RBM46: variants seen among roughly 807,000 people sequenced by gnomAD.
RBM46 encodes probable RNA-binding protein 46.
Under a neutral mutation model 43.3 loss-of-function variants are expected in RBM46, and 12 were observed. The observed-to-expected ratio is 0.28, with a 90% CI of 0.18 to 0.45. The LOEUF (loss-of-function observed/expected upper bound fraction) is 0.45, where lower values mean the gene tolerates loss of function less well. Among genes scored for constraint, RBM46 ranks in the 20% least tolerant of loss-of-function variants. The pLI is 1.00. For synonymous variants in RBM46, 205 were observed against 207.6 expected (o/e 0.99, Z 0.11); for missense variants, 412 against 639.1 (o/e 0.64, Z 3.83).
In RBM46 at chr4:154,828,454, AT is replaced by A. The variant is rs1736069104; in HGVS notation, c.*389del. The A allele has an allele frequency of 4.9e-6, 1 of 202,504 alleles. No individual in the cohort carries two copies. 12.5% of individuals were successfully genotyped at this position (202,504 alleles called of 1,614,324 possible). A position where few individuals can be genotyped will look rare whatever the true frequency, so the allele number is the denominator to read the frequency against. On this transcript the variant is annotated 3_prime_UTR_variant, in exon 5 of 5. Transcript: ENST00000281722. ...GAAGACAATGGTTATAGTAGATTTG[AT>A]TACCAAGGATCACTATCTGTACTGG...
In RBM46 at chr4:154,828,348, G is replaced by T; in HGVS notation, c.*281G>T. 1 of 332,596 alleles carries T rather than the reference G, an allele frequency of 3.0e-6. No homozygotes were observed. Among genetic ancestry groups the T allele is most frequent in the Admixed American group, 4.7e-5 (1 of 21,360 alleles). 20.6% of individuals were successfully genotyped at this position (332,596 alleles called of 1,614,324 possible). A position where few individuals can be genotyped will look rare whatever the true frequency, so the allele number is the denominator to read the frequency against. ...GGATTTTCTTCTACTTTCTGAGTGG[G>T]CAATAGAACCTAGTCATTTATGTTT... On this transcript the variant is annotated 3_prime_UTR_variant, in exon 5 of 5. Transcript: ENST00000281722.
chr4:154,795,140 C>T (rs1030535352), intron 1 of RBM46, among the ~76,000 whole-genome samples: 1 of 152,100 alleles, frequency 6.6e-6, no homozygotes, highest in Non-Finnish European at 1.5e-5. Flanking sequence ...TGCTTATATG[C>T]AAAGACCTAT....
In RBM46 at chr4:154,802,783, AT is replaced by A. The variant is rs1223014273; in HGVS notation, c.1402+3228del. ...TAAGATATTTTCTTTGGGGATAGTA[AT>A]TTTTTTTTAAGAATTTGCCTCAGTA... On this transcript the variant is annotated intron_variant, in intron 4 of 4. Transcript: ENST00000281722. Among the ~76,000 whole-genome samples the A allele has an allele frequency of 4.6e-5, 7 of 151,566 alleles. No homozygotes were observed. In the East Asian group the frequency reaches 9.7e-4, roughly 21 times the overall value.
At chr4:154,806,880 G>T (rs2111165804) in intron 4 of RBM46, among the ~76,000 whole-genome samples, 1 of 151,820 alleles carries the variant, frequency 6.6e-6, no homozygotes, top group East Asian at 1.9e-4. Flanking sequence ...ATGCCATGTG[G>T]GGAGTATCTG....
At chr4:154,794,857 T>C (rs910617739) in intron 1 of RBM46, among the ~76,000 whole-genome samples, 95 of 152,038 alleles carry the variant, frequency 6.2e-4, no homozygotes, top group African/African-American at 2.3e-3. Context: ...CTATTCCTTT[T>C]TTCCCTAAGT....
At position 154,824,091 on chromosome 4, in the gene RBM46, T is replaced by C. The variant is rs79765354; in HGVS notation, c.1403-3777T>C. 5.1e-5 allele frequency among the ~76,000 whole-genome samples: 5 copies of C among 98,840 alleles called. No individual in the cohort carries two copies. In the South Asian group the frequency reaches 1.9e-3, roughly 38 times the overall value. 64.8% of individuals were successfully genotyped at this position (98,840 alleles called of 152,430 possible). A position where few individuals can be genotyped will look rare whatever the true frequency, so the allele number is the denominator to read the frequency against. ...TCATTATGTCAGAGCAGTTGTTCTCTTTTTTTTTTTTGTTTTCCACAAAAC... is the reference window on the plus strand; with the variant it reads ...TCATTATGTCAGAGCAGTTGTTCTCCTTTTTTTTTTTGTTTTCCACAAAAC... On this transcript the variant is annotated intron_variant, in intron 4 of 4. Transcript: ENST00000281722.
At chr4:154,798,626 T>C (rs1734463094) in intron 3 of RBM46, among the ~76,000 whole-genome samples, 156 bp from the exon 4 acceptor site, 1 of 152,358 alleles carries the variant, frequency 6.6e-6, no homozygotes, top group East Asian at 1.9e-4. Flanking sequence ...TTATTTACTT[T>C]AGTAAAAATT....
intron 1 of RBM46, among the ~76,000 whole-genome samples, chr4:154,787,926 G>A (rs1037481932): frequency 6.6e-6 from 1 of 152,122 alleles, no homozygotes; most frequent in African/African-American, 2.4e-5. Context: ...GCATTTCTCT[G>A]ATGGCCAGTG....
At chr4:154,815,633 G>T (rs545517306) in intron 4 of RBM46, among the ~76,000 whole-genome samples, 3 of 151,764 alleles carry the variant, frequency 2.0e-5, no homozygotes, top group African/African-American at 7.3e-5. Flanking sequence ...TTCAAGTCTT[G>T]CTCCTTCATT....
chr4:154,789,408 C>G (rs1006507009), intron 1 of RBM46, among the ~76,000 whole-genome samples: 2 of 152,094 alleles, frequency 1.3e-5, no homozygotes, highest in Admixed American at 1.3e-4. Flanking sequence ...TGTCAAAGGC[C>G]TTTTCTGCAT....
At chr4:154,808,903 A>G (rs1735043342) in intron 4 of RBM46, among the ~76,000 whole-genome samples, 2 of 152,094 alleles carry the variant, frequency 1.3e-5, no homozygotes, top group African/African-American at 2.4e-5. Context: ...ACATTGAAAC[A>G]TTATTTCTTT....
chr4:154,802,306 TC>T (rs1286524565), intron 4 of RBM46, among the ~76,000 whole-genome samples: 2 of 152,146 alleles, frequency 1.3e-5, no homozygotes, highest in South Asian at 2.1e-4. Flanking sequence ...GAAACTTTGA[TC>T]AGAAAACAAA....
chr4:154,796,947 G>T, intron 2 of RBM46, 44 bp downstream of exon 2: 8 of 1,541,226 alleles, frequency 5.2e-6, no homozygotes, highest in Non-Finnish European at 7.1e-6. Flanking sequence ...CTTTAACCTC[G>T]TCATGTAGAT....
chr4:154,794,257 T>G (rs1405957589), intron 1 of RBM46, among the ~76,000 whole-genome samples: 1 of 148,826 alleles, frequency 6.7e-6, no homozygotes, highest in Non-Finnish European at 1.5e-5. Context: ...CTCTGCTCAC[T>G]GCAAGCTCCG....
chr4:154,787,009 T>A (rs1166249904), intron 1 of RBM46: 1 of 152,196 alleles, frequency 6.6e-6, no homozygotes, highest in African/African-American at 2.4e-5. Context: ...CTTATCATAT[T>A]GAAATGAATA....
intron 4 of RBM46, among the ~76,000 whole-genome samples, chr4:154,814,809 A>G (rs1735346751): frequency 1.3e-5 from 2 of 151,770 alleles, no homozygotes; most frequent in Non-Finnish European, 2.9e-5. Flanking sequence ...TCTCCTTTAT[A>G]TATATCACTG....
chr4:154,797,089 G>T (rs1263471236), intron 2 of RBM46, among the ~76,000 whole-genome samples, 186 bp downstream of exon 2: 3 of 151,516 alleles, frequency 2.0e-5, no homozygotes, highest in African/African-American at 7.3e-5. Context: ...CATTTTTTCA[G>T]CCCTGCTCTT....
chr4:154,821,885 G>A (rs1173516427), intron 4 of RBM46, among the ~76,000 whole-genome samples: 1 of 151,722 alleles, frequency 6.6e-6, no homozygotes, highest in African/African-American at 2.4e-5. Flanking sequence ...AAATCATAGT[G>A]CATACTAGCA....
At chr4:154,815,596 T>C (rs2111192880) in intron 4 of RBM46, among the ~76,000 whole-genome samples, 1 of 152,112 alleles carries the variant, frequency 6.6e-6, no homozygotes, top group Middle Eastern at 3.4e-3. Context: ...GGCATTACGC[T>C]ATTGTATTGG....
Sources: gnomAD v4.1 joint callset for allele counts (sites outside exome capture counted in the v4.1 genomes callset) on GRCh38, gnomAD v4.1.1 for gene constraint, MANE v1.5 for transcripts, NCBI Gene and HGNC (gene_info 2026-07-23, HGNC 2026-07-21) for gene names.